Variants in NUP188 observed in about 807,000 individuals in gnomAD.
NUP188 encodes the protein nucleoporin 188, also known as nucleoporin NUP188.
In NUP188, 97 loss-of-function variants were observed where a neutral mutation model predicts 223.0. The observed-to-expected ratio is 0.43, with a 90% CI of 0.37 to 0.51. The LOEUF is 0.51. Among genes scored for constraint, NUP188 ranks in the 20% least tolerant of loss-of-function variants. The probability of loss-of-function intolerance (pLI) is 0.00; values close to 1 mark genes in which losing one functional copy is unlikely to be tolerated. For missense variants in NUP188, 1,947 were observed against 2,175.6 expected (o/e 0.89, Z 2.09); for synonymous variants, 869 against 828.0 (o/e 1.05, Z -0.85).
chr9:128,959,806 G>A lies in NUP188; in HGVS notation c.585+672G>A, dbSNP rs370042015. ...CCACCTGCTTTGGCCTCCAAGTGTT[G>A]GGGTTATGGGCATGAGCCACTGTGC... is the stretch of plus-strand genomic sequence containing the variant. On this transcript the variant is annotated intron_variant, in intron 8 of 43. Transcript: ENST00000372577. Among the ~76,000 whole-genome samples the A allele has an allele frequency of 3.1e-4, 47 of 152,000 alleles. 1 individual carries two copies. The highest frequency in any genetic ancestry group is 9.6e-4 in the East Asian group (5 of 5,198).
intron 12 of NUP188, among the ~76,000 whole-genome samples, chr9:128,977,169 G>A (rs1174550298): frequency 6.7e-6 from 1 of 149,786 alleles, no homozygotes; most frequent in Non-Finnish European, 1.5e-5. Flanking sequence ...ACCCAGGCTG[G>A]AGTGCAGTGG....
At chr9:128,998,671 C>CA in intron 32 of NUP188, 48 bp downstream of exon 32, 2 of 1,452,662 alleles carry the variant, frequency 1.4e-6, no homozygotes, top group Non-Finnish European at 1.9e-6. Flanking sequence ...GCCTTCTTGT[C>CA]AGTGCCTGCT....
At chr9:128,968,753 T>C (rs1396681491) in intron 9 of NUP188, 36 bp downstream of exon 9, 1 of 1,495,996 alleles carries the variant, frequency 6.7e-7, no homozygotes, top group Non-Finnish European at 9.3e-7. Flanking sequence ...GAACTTGCAG[T>C]GTTTAGAGCA....
chr9:128,995,370 G>A lies in NUP188; in HGVS notation c.3207G>A (p.Glu1069=), dbSNP rs1319791272. Residue 1069 remains glutamate, a synonymous_variant, in exon 30 of 44, where the codon GAG becomes GAA. Transcript: ENST00000372577. Reference sequence around the variant, plus strand: ...ATACACTGAAGAAATTTTCCATCGAGAAACGCTTTGCCTACTGGTCAGGGT... The same window carrying A: ...ATACACTGAAGAAATTTTCCATCGAAAAACGCTTTGCCTACTGGTCAGGGT... The part of the protein sequence containing the change: ...LKDTLKKFSI[E]KRFAYWSGYV... 1 of 1,614,166 alleles carries A rather than the reference G, an allele frequency of 6.2e-7. No homozygotes were observed. The highest frequency in any genetic ancestry group is 1.1e-5 in the South Asian group (1 of 91,084).
rs17481358 is a variant in NUP188, at chr9:129,004,828, C to G, written c.4435-319C>G. 5.0e-3 allele frequency: 1,987 copies of G among 400,262 alleles called. 56 individuals carry two copies. The East Asian group carries it at 0.054, about 11-fold the overall frequency. The allele number at this position is 400,262 out of a possible 1,614,324, so 24.8% of individuals were successfully genotyped here. On this transcript the variant is annotated intron_variant, in intron 38 of 43. Coordinates refer to ENST00000372577, the MANE Select transcript of NUP188 (RefSeq NM_015354.3). ...TCATCTTCTTTACTTTAGGACCTTA[C>G]AATATACCAGGCACCTAGCTGGGTC... is the stretch of plus-strand genomic sequence containing the variant.
In NUP188 at chr9:129,006,526, C is replaced by T. The variant is rs779493476; in HGVS notation, c.5098C>T (p.Arg1700Cys). The T allele has an allele frequency of 6.2e-7, 1 of 1,613,662 alleles. No homozygotes were observed. Among genetic ancestry groups the T allele is most frequent in the Non-Finnish European group, 8.5e-7 (1 of 1,179,842 alleles). ...ELSTLLSSLS[R>C]YFRRGAPSSP... ...GAGCACGCTGCTGTCCAGCCTCTCG[C>T]GCTACTTCCGCCGGGGAGCCCCCAG... Residue 1700 changes from arginine to cysteine, a missense_variant, in exon 44 of 44, where the codon CGC becomes TGC. Around this residue, in one of 3 missense-constraint regions of NUP188, gnomAD observed 905 missense variants for 990.6 expected, o/e 0.91. Transcript: ENST00000372577.
chr9:128,979,103 T>C (rs1422115672), intron 12 of NUP188, among the ~76,000 whole-genome samples, 159 bp from the exon 13 acceptor site: 1 of 152,230 alleles, frequency 6.6e-6, no homozygotes, highest in African/African-American at 2.4e-5. Flanking sequence ...GAGGATTTAC[T>C]ATGTTCCCCA....
At chr9:129,003,199 T>C in intron 37 of NUP188, 118 bp from the exon 38 acceptor site, 13 of 1,322,402 alleles carry the variant, frequency 9.8e-6, no homozygotes, top group Non-Finnish European at 1.3e-5. Context: ...CTAAGCCATT[T>C]CTTTGCCAAC....
In NUP188 at chr9:128,999,467, T is replaced by C. The variant is rs112550306; in HGVS notation, c.3661+150T>C. ...ATTCTTACCCCAAGAAAGCTATTTT[T>C]TTCCCTCATGTGTCTCTCCCTCCTC... On this transcript the variant is annotated intron_variant, in intron 33 of 43. Coordinates refer to ENST00000372577, the MANE Select transcript of NUP188 (RefSeq NM_015354.3). 4.3e-5 allele frequency: 54 copies of C among 1,249,752 alleles called. No homozygotes were observed. In the African/African-American group the frequency reaches 6.9e-4, roughly 16 times the overall value. 77.4% of individuals were successfully genotyped at this position (1,249,752 alleles called of 1,614,324 possible).
intron 43 of NUP188, 30 bp downstream of exon 43, chr9:129,006,398 G>T: frequency 1.2e-6 from 2 of 1,614,130 alleles, no homozygotes; most frequent in South Asian, 2.2e-5. Flanking sequence ...CGGAGGGCTG[G>T]ACCAATAGGG....
chr9:128,967,350 A>G lies in NUP188; in HGVS notation c.586-1156A>G, dbSNP rs17481247. Among the ~76,000 whole-genome samples, 408 of 152,206 alleles carry G rather than the reference A, an allele frequency of 2.7e-3. 7 individuals are homozygous for G. In the East Asian group the frequency reaches 0.042, roughly 16 times the overall value. ...TTTTACTATACCTTTATAGGAGATA[A>G]TTTTTAAGATACATTGTTGCAGCTG... On this transcript the variant is annotated intron_variant, in intron 8 of 43. Coordinates refer to ENST00000372577, the MANE Select transcript of NUP188 (RefSeq NM_015354.3).
At chr9:128,990,950 A>T (rs1842416171) in intron 25 of NUP188, among the ~76,000 whole-genome samples, 1 of 151,788 alleles carries the variant, frequency 6.6e-6, no homozygotes, top group Non-Finnish European at 1.5e-5. Flanking sequence ...CCCGGGAGGC[A>T]GAAGTTGCGG....
chr9:128,982,686 G>C lies in NUP188; in HGVS notation c.1654G>C (p.Val552Leu). The change falls in exon 16 of 44, where the codon GTT becomes CTT. Residue 552 changes from valine (V) to leucine (L), a missense_variant. Around this residue, in one of 3 missense-constraint regions of NUP188, gnomAD observed 817 missense variants for 865.8 expected, o/e 0.94. Coordinates refer to ENST00000372577, the MANE Select transcript of NUP188 (RefSeq NM_015354.3). ...FTCEIEMLLH[V>L]VSTADVIQHC... Reference sequence around the variant, plus strand: ...CTGCGAGATTGAAATGTTGCTTCATGTTGTTTCAACTGCAGGTAAGGTCAG... The same window carrying C: ...CTGCGAGATTGAAATGTTGCTTCATCTTGTTTCAACTGCAGGTAAGGTCAG... The C allele has an allele frequency of 6.2e-7, 1 of 1,613,934 alleles. No individual in the cohort carries two copies. The highest frequency in any genetic ancestry group is 8.5e-7 in the Non-Finnish European group (1 of 1,180,010).
At chr9:128,981,884 C>G (rs1318724624) in intron 15 of NUP188, among the ~76,000 whole-genome samples, 1 of 152,072 alleles carries the variant, frequency 6.6e-6, no homozygotes, top group Non-Finnish European at 1.5e-5. Context: ...TCGAGACCAG[C>G]CTGACCAACA....
In NUP188 at chr9:128,969,431, A is replaced by G; in HGVS notation, c.829A>G (p.Met277Val). The G allele has an allele frequency of 6.2e-7, 1 of 1,611,896 alleles. No individual in the cohort carries two copies. Among genetic ancestry groups the G allele is most frequent in the African/African-American group, 1.3e-5 (1 of 74,872 alleles). ...CAGTGCCCTCATCCTGGTGGAGGGC[A>G]TGGATATCGAGTCCTTGCATAAGTG... Reference protein sequence around the residue: ...YFSALILVEGMDIESLHKCAL... With the variant: ...YFSALILVEGVDIESLHKCAL... The change falls in exon 10 of 44, where the codon ATG (methionine) becomes GTG (valine). Residue 277 changes from methionine to valine, a missense_variant. Transcript: ENST00000372577.
intron 30 of NUP188, among the ~76,000 whole-genome samples, chr9:128,996,240 T>C (rs3866886): frequency 0.4 from 61,372 of 151,552 alleles, 12,662 homozygotes; most frequent in African/African-American, 0.45. Flanking sequence ...ACCTCCGCCT[T>C]CCGGGTTCAA....
intron 36 of NUP188, 43 bp downstream of exon 36, chr9:129,002,019 T>C (rs1309980620): frequency 6.6e-7 from 1 of 1,506,140 alleles, no homozygotes; most frequent in Admixed American, 1.7e-5. Flanking sequence ...CTGACCACCC[T>C]ACAGTTCCAG....
intron 37 of NUP188, 131 bp from the exon 38 acceptor site, chr9:129,003,186 C>A (rs766848675): frequency 1.5e-5 from 18 of 1,226,968 alleles, no homozygotes; most frequent in Non-Finnish European, 2.0e-5. Flanking sequence ...CCTGGTTGTA[C>A]CACTAAGCCA....
chr9:128,991,766 C>G (rs1842435878), intron 25 of NUP188, among the ~76,000 whole-genome samples: 2 of 150,400 alleles, frequency 1.3e-5, no homozygotes, highest in East Asian at 4.0e-4. Flanking sequence ...TTGCTTGAAC[C>G]CGGGAGGTGG....
Sources: gnomAD v4.1 joint callset for allele counts (sites outside exome capture counted in the v4.1 genomes callset) on GRCh38, gnomAD v4.1.1 for gene constraint, gnomAD v4.1.1 regional missense constraint, MANE v1.5 for transcripts, NCBI Gene and HGNC (gene_info 2026-07-23, HGNC 2026-07-21) for gene names.